Variants in XPC observed in about 807,000 individuals in gnomAD.
XPC encodes XPC complex subunit, DNA damage recognition and repair factor.
A neutral mutation model predicts 95.8 loss-of-function variants in XPC; 76 were observed. The ratio of observed to expected loss-of-function variants is 0.79; its 90% confidence interval spans 0.66 to 0.96. The LOEUF is 0.96. XPC is among the 40% of genes least tolerant of loss of function. The pLI is 0.00. For missense variants in XPC, 1,146 were observed against 1,179.8 expected, an observed-to-expected ratio of 0.97 and a Z score of 0.42; for synonymous variants, 442 against 442.1, an observed-to-expected ratio of 1.00 and a Z score of 0.00.
intron 1 of XPC, 32 bp downstream of exon 1, chr3:14,178,434 C>T (rs755658689): frequency 1.8e-5 from 28 of 1,575,240 alleles, no homozygotes; most frequent in African/African-American, 2.7e-5. Flanking sequence ...CCGGCGGCGT[C>T]TCCCGCGAAG....
chr3:14,159,017 A>T (rs1696061442), intron 8 of XPC, 125 bp from the exon 9 acceptor site: 2 of 1,229,762 alleles, frequency 1.6e-6, no homozygotes, highest in South Asian at 2.7e-5. Flanking sequence ...AGATGTCCCC[A>T]GCTCAGACAG....
At position 14,177,792 on chromosome 3, in the gene XPC, G is replaced by T. The variant is rs909902062; in HGVS notation, c.103+674C>A. ...GAAACTGCAGTCACTCAACTGAAAGGTGATGATGACTTGGACAGGGGCTGT... is the reference window on the plus strand; with the variant it reads ...GAAACTGCAGTCACTCAACTGAAAGTTGATGATGACTTGGACAGGGGCTGT... On this transcript the variant is annotated intron_variant, in intron 1 of 15. Coordinates refer to ENST00000285021, the MANE Select transcript of XPC (RefSeq NM_004628.5). Among the ~76,000 whole-genome samples, 5 of 152,084 alleles carry T rather than the reference G, an allele frequency of 3.3e-5. No individual in the cohort carries two copies. In the East Asian group the frequency reaches 7.7e-4, roughly 24 times the overall value.
intron 10 of XPC, among the ~76,000 whole-genome samples, chr3:14,154,827 T>C (rs1695836429): frequency 4.3e-5 from 1 of 23,078 alleles, no homozygotes; most frequent in Non-Finnish European, 8.0e-5. Flanking sequence ...TTTATTTATA[T>C]ATATAAATAT....
intron 14 of XPC, 128 bp from the exon 15 acceptor site, chr3:14,147,507 C>A: frequency 1.1e-6 from 1 of 896,858 alleles, no homozygotes; most frequent in Admixed American, 2.7e-5. Flanking sequence ...CTCCTTCACA[C>A]CAAGTCTCAC....
chr3:14,158,190 G>A lies in XPC; in HGVS notation c.1693C>T (p.Pro565Ser). The change falls in exon 9 of 16, where the codon CCC becomes TCC. Residue 565 changes from proline (P) to serine (S), a missense_variant. Physicochemically the swap from Pro to Ser is moderately conservative, Grantham distance 74 (BLOSUM62 -1). Coordinates refer to ENST00000285021, the MANE Select transcript of XPC (RefSeq NM_004628.5). The surrounding 1 kb of genome is among the most constrained non-coding windows in gnomAD (Gnocchi z 5.2). ...TCAATGCCCACCACATAGGTCATGG[G>A]CTTGGTGGCGTACTTGTAACAGGTC... ...PLTCYKYATK[P>S]MTYVVGIDSD... 2 of 1,613,944 alleles carry A rather than the reference G, an allele frequency of 1.2e-6. No individual in the cohort carries two copies. The highest frequency in any genetic ancestry group is 1.7e-6 in the Non-Finnish European group (2 of 1,179,884).
chr3:14,147,387 C>CA lies in XPC; in HGVS notation c.2515-9dup. On this transcript the variant is annotated splice_polypyrimidine_tract_variant and intron_variant, in intron 14 of 15. Coordinates refer to ENST00000285021, the MANE Select transcript of XPC (RefSeq NM_004628.5). ...AGCCCGCTTCTCCTTTTTCTGCAGG[C>CA]AAAAATGAAGTGGGAGAAAAGTGTT... is the stretch of plus-strand genomic sequence containing the variant. 1 of 1,598,428 alleles carries CA rather than the reference C, an allele frequency of 6.3e-7. No homozygotes were observed. Among genetic ancestry groups the CA allele is most frequent in the Non-Finnish European group, 8.5e-7 (1 of 1,172,926 alleles).
intron 1 of XPC, among the ~76,000 whole-genome samples, chr3:14,175,930 C>A (rs1014991053): frequency 6.6e-6 from 1 of 152,202 alleles, no homozygotes; most frequent in Non-Finnish European, 1.5e-5. Context: ...ACTGCTAGCT[C>A]CTCTGGCTAG....
At chr3:14,174,914 G>C (rs1027452691) in intron 1 of XPC, among the ~76,000 whole-genome samples, 5 of 152,002 alleles carry the variant, frequency 3.3e-5, no homozygotes, top group South Asian at 4.2e-4. Flanking sequence ...CCAAAATCTT[G>C]AGTTATCTAA....
intron 14 of XPC, 175 bp downstream of exon 14, chr3:14,147,733 G>C (rs534856952): frequency 4.3e-5 from 27 of 626,060 alleles, no homozygotes; most frequent in Admixed American, 2.6e-4. Flanking sequence ...GATAGTCTGC[G>C]GGGTGGGCAG....
rs545120639 is a variant in XPC, at chr3:14,156,217, C to T, written c.2033+118G>A. The T allele has an allele frequency of 8.2e-5, 109 of 1,328,020 alleles. 1 individual carries two copies. In the South Asian group the frequency reaches 1.6e-3, roughly 19 times the overall value. 82.3% of individuals were successfully genotyped at this position (1,328,020 alleles called of 1,614,324 possible). ...CACACACAGCACACGCACACTGGCT[C>T]AGCCCGAGAATGCTGTCCAGTCAGA... On this transcript the variant is annotated intron_variant, in intron 10 of 15. Transcript: ENST00000285021.
Position 14,156,474 on chromosome 3 carries a change from G to C in XPC, c.1894C>G (p.Gln632Glu), listed in dbSNP as rs3731139. 3.0e-5 allele frequency: 48 copies of C among 1,613,964 alleles called. 1 individual carries two copies. The African/African-American group carries it at 5.2e-4, about 17-fold the overall frequency. Residue 632 changes from glutamine (Q) to glutamate (E), a missense_variant, in exon 10 of 16, where the codon CAG (glutamine) becomes GAG (glutamate). Coordinates refer to ENST00000285021, the MANE Select transcript of XPC (RefSeq NM_004628.5). ...AAGCCAATGGCAGTGGGCAAAGGCT[G>C]GTCCATGTGTTTAGCCTGAAACTGC... ...DLEFQAKHMD[Q>E]PLPTAIGLYK...
chr3:14,166,350 C>T (rs1696378439), intron 5 of XPC, among the ~76,000 whole-genome samples: 1 of 152,218 alleles, frequency 6.6e-6, no homozygotes, highest in South Asian at 2.1e-4. Context: ...TCGTTTCGTG[C>T]CCCAGGCCTG....
chr3:14,147,443 G>A, intron 14 of XPC, 64 bp from the exon 15 acceptor site: 1 of 1,453,026 alleles, frequency 6.9e-7, no homozygotes, highest in Non-Finnish European at 9.4e-7. Flanking sequence ...AAAATATTAA[G>A]ATGGAAACTG....
intron 13 of XPC, chr3:14,148,247 A>G: frequency 5.2e-6 from 3 of 580,140 alleles, no homozygotes; most frequent in Non-Finnish European, 6.0e-6. Context: ...CTCACCCATC[A>G]TGGAACAGAG....
In XPC at chr3:14,171,824, G is replaced by A. The variant is rs577323680; in HGVS notation, c.299+1043C>T. Among the ~76,000 whole-genome samples the A allele has an allele frequency of 1.2e-4, 18 of 152,160 alleles. No individual in the cohort carries two copies. In the South Asian group the frequency reaches 3.7e-3, roughly 32 times the overall value. ...GGCAACAGAGCGAGACTCCATTAAG[G>A]ACGGGACCGGGATGGGGACGGGACG... On this transcript the variant is annotated intron_variant, in intron 2 of 15. Transcript: ENST00000285021.
Position 14,170,689 on chromosome 3 carries a change from A to G in XPC, c.300-139T>C, listed in dbSNP as rs1218214074. 4 of 594,196 alleles carry G rather than the reference A, an allele frequency of 6.7e-6. No homozygotes were observed. In the Admixed American group the frequency reaches 1.3e-4, roughly 20 times the overall value. The allele number at this position is 594,196 out of a possible 1,614,324, so 36.8% of individuals were successfully genotyped here. On this transcript the variant is annotated intron_variant, in intron 2 of 15. Coordinates refer to ENST00000285021, the MANE Select transcript of XPC (RefSeq NM_004628.5). ...ATTTAAAGATGATTAGTAAGCTCTG[A>G]GCCTCACTTCCTCCATCAACATGTG...
In XPC at chr3:14,148,598, G is replaced by A; in HGVS notation, c.2384C>T (p.Thr795Ile). Residue 795 changes from threonine (T) to isoleucine (I), a missense_variant, in exon 13 of 16, where the codon ACT (threonine) becomes ATT (isoleucine). Coordinates refer to ENST00000285021, the MANE Select transcript of XPC (RefSeq NM_004628.5). ...GTAGCCGCCATGGAAATCAAAGCCA[G>A]TGATGGCCTGGACACAGTCGATGTC... ...KLDIDCVQAI[T>I]GFDFHGGYSH... 1 of 1,614,026 alleles carries A rather than the reference G, an allele frequency of 6.2e-7. No homozygotes were observed. The highest frequency in any genetic ancestry group is 1.1e-5 in the South Asian group (1 of 91,082).
intron 1 of XPC, 40 bp downstream of exon 1, chr3:14,178,426 G>A (rs765695074): frequency 1.3e-6 from 2 of 1,567,342 alleles, no homozygotes; most frequent in East Asian, 2.3e-5. Flanking sequence ...TCCGCCCACC[G>A]GCGGCGTCTC....
At chr3:14,160,037 A>G (rs969777562) in intron 7 of XPC, 1 of 521,064 alleles carries the variant, frequency 1.9e-6, no homozygotes, top group Non-Finnish European at 3.3e-6. Context: ...CATGCTCATC[A>G]TATATTAAAG....
Sources: gnomAD v4.1 joint callset for allele counts (sites outside exome capture counted in the v4.1 genomes callset) on GRCh38, gnomAD v4.1.1 for gene constraint, Gnocchi (gnomAD v3.1) non-coding constraint, MANE v1.5 for transcripts, NCBI Gene and HGNC (gene_info 2026-07-23, HGNC 2026-07-21) for gene names.